The following TMEM232 variants were observed in gnomAD, a reference collection of about 807,000 sequenced individuals.
TMEM232 encodes the protein transmembrane protein 232.
Under a neutral mutation model 78.8 loss-of-function variants are expected in TMEM232, and 80 were observed. That is an observed-to-expected ratio of 1.01 (90% CI 0.85 to 1.22). The LOEUF (loss-of-function observed/expected upper bound fraction) is 1.22, where lower values mean the gene tolerates loss of function less well. Ranked by LOEUF, TMEM232 falls within the 50% of genes most tolerant of loss-of-function variation. The pLI, the probability that TMEM232 is intolerant of heterozygous loss-of-function variation, is 0.00. For missense variants in TMEM232, 881 were observed against 742.2 expected (o/e 1.19, Z -2.17); for synonymous variants, 297 against 254.3 (o/e 1.17, Z -1.60).
chr5:110,557,264 G>A (rs1775209192), intron 11 of TMEM232, among the ~76,000 whole-genome samples: 2 of 152,034 alleles, frequency 1.3e-5, no homozygotes, highest in African/African-American at 2.4e-5. Context: ...TCCTCTTTCA[G>A]CTCATATATG....
chr5:110,691,021 T>C (rs772283536), intron 1 of TMEM232, among the ~76,000 whole-genome samples: 1 of 151,742 alleles, frequency 6.6e-6, no homozygotes, highest in African/African-American at 2.4e-5. Flanking sequence ...ATACCTAAGT[T>C]AGATGACAGG....
chr5:110,457,390 G>T (rs945679744), intron 12 of TMEM232, among the ~76,000 whole-genome samples: 4 of 152,144 alleles, frequency 2.6e-5, no homozygotes, highest in African/African-American at 9.6e-5. Context: ...CTGAAAACTA[G>T]AACTCTCTTA....
At chr5:110,433,329 T>C (rs549339895) in intron 12 of TMEM232, among the ~76,000 whole-genome samples, 271 of 151,856 alleles carry the variant, frequency 1.8e-3, no homozygotes, top group African/African-American at 6.1e-3. Context: ...AGAAGAACTC[T>C]CAAAGCCATA....
intron 2 of TMEM232, among the ~76,000 whole-genome samples, chr5:110,404,977 A>C (rs1580563474): frequency 6.6e-6 from 1 of 152,240 alleles, no homozygotes; most frequent in African/African-American, 2.4e-5. Flanking sequence ...TCAGCCAATA[A>C]GTTTCTCTGT....
At chr5:110,667,455 T>A in intron 1 of TMEM232, 91 bp from the exon 2 acceptor site, 2 of 1,001,318 alleles carry the variant, frequency 2.0e-6, no homozygotes, top group Admixed American at 3.6e-5. Context: ...TGGAAAAGAA[T>A]AGCAAGAACT....
At chr5:110,533,384 C>A (rs1201238713) in intron 11 of TMEM232, among the ~76,000 whole-genome samples, 1 of 152,166 alleles carries the variant, frequency 6.6e-6, no homozygotes, top group African/African-American at 2.4e-5. Context: ...GACATAGTTA[C>A]TGCAGTCAGA....
At chr5:110,494,573 C>T (rs1351455964) in intron 12 of TMEM232, among the ~76,000 whole-genome samples, 4 of 152,006 alleles carry the variant, frequency 2.6e-5, no homozygotes, top group African/African-American at 9.7e-5. Flanking sequence ...ATGCATATAT[C>T]CTGTGACCCA....
intron 1 of TMEM232, among the ~76,000 whole-genome samples, chr5:110,711,869 G>A (rs1796517398): frequency 1.3e-5 from 2 of 152,092 alleles, no homozygotes; most frequent in Non-Finnish European, 2.9e-5. Context: ...CACTTTGGGA[G>A]GCCGAGGTGG....
At chr5:110,395,787 C>T (rs1399570337) in intron 3 of TMEM232, among the ~76,000 whole-genome samples, 1 of 152,130 alleles carries the variant, frequency 6.6e-6, no homozygotes, top group Admixed American at 6.6e-5. Flanking sequence ...GCCAATTATA[C>T]GTACATGGGA....
chr5:110,602,704 A>C (rs975815296), intron 10 of TMEM232, among the ~76,000 whole-genome samples: 1 of 152,200 alleles, frequency 6.6e-6, no homozygotes, highest in Non-Finnish European at 1.5e-5. Context: ...GGGAGTGTAA[A>C]TTAGTTTAAC....
chr5:110,522,989 T>A (rs1238012550), intron 12 of TMEM232, among the ~76,000 whole-genome samples: 1 of 152,202 alleles, frequency 6.6e-6, no homozygotes, highest in Non-Finnish European at 1.5e-5. Flanking sequence ...TTGGCTTTAA[T>A]TGTTCAGATG....
chr5:110,427,575 G>A (rs1212071150), intron 12 of TMEM232, among the ~76,000 whole-genome samples: 1 of 151,928 alleles, frequency 6.6e-6, no homozygotes, highest in Non-Finnish European at 1.5e-5. Context: ...CACAAACTAG[G>A]AGGCTTAGAT....
At chr5:110,665,891 CAAA>C (rs775392111) in intron 2 of TMEM232, among the ~76,000 whole-genome samples, 4,085 of 63,680 alleles carry the variant, frequency 0.064, 150 homozygotes, top group African/African-American at 0.18. Context: ...CCCATCTCCA[CAAA>C]AAAAAAAAAA....
Position 110,420,420 on chromosome 5 carries a change from TAAAC to T in TMEM232, c.*156_*159del, listed in dbSNP as rs940580903. On this transcript the variant is annotated 3_prime_UTR_variant, in exon 14 of 14. Transcript: ENST00000455884. ...TAATTTAGAACTAAGAAATAACTAT[TAAAC>T]AAACAGCTTGTATCAGGAAAACAAA... 1.2e-4 allele frequency: 60 copies of T among 515,542 alleles called. No individual in the cohort carries two copies. The Middle Eastern group carries it at 1.5e-3, about 13-fold the overall frequency. The allele number at this position is 515,542 out of a possible 1,614,324, so 31.9% of individuals were successfully genotyped here. A position where few individuals can be genotyped will look rare whatever the true frequency, so the allele number is the denominator to read the frequency against.
chr5:110,456,866 TA>T (rs1226306953), intron 12 of TMEM232, among the ~76,000 whole-genome samples: 1 of 152,052 alleles, frequency 6.6e-6, no homozygotes, highest in Non-Finnish European at 1.5e-5. Flanking sequence ...TCCATGAGAT[TA>T]AAAAAGTAAC....
At chr5:110,389,754 T>C (rs755671859) in intron 4 of TMEM232, among the ~76,000 whole-genome samples, 1 of 152,208 alleles carries the variant, frequency 6.6e-6, no homozygotes, top group East Asian at 1.9e-4. Context: ...AAGATTACCA[T>C]GTTTCCACTG....
chr5:110,482,796 T>C (rs1213473628), intron 12 of TMEM232, among the ~76,000 whole-genome samples: 3 of 151,718 alleles, frequency 2.0e-5, no homozygotes, highest in African/African-American at 7.3e-5. Context: ...GGATTATATA[T>C]TTAAAGTGCT....
At chr5:110,464,102 T>A (rs1381359881) in intron 12 of TMEM232, among the ~76,000 whole-genome samples, 1 of 152,208 alleles carries the variant, frequency 6.6e-6, no homozygotes, top group Admixed American at 6.5e-5. Context: ...TTACTTGAAC[T>A]TCTTTCATAG....
chr5:110,678,590 G>T (rs777391095), intron 1 of TMEM232, among the ~76,000 whole-genome samples: 3 of 152,042 alleles, frequency 2.0e-5, no homozygotes, highest in Non-Finnish European at 4.4e-5. Context: ...CTATGGGTTT[G>T]GACAAATGTA....
Sources: gnomAD v4.1 joint callset for allele counts (sites outside exome capture counted in the v4.1 genomes callset) on GRCh38, gnomAD v4.1.1 for gene constraint, MANE v1.5 for transcripts, NCBI Gene and HGNC (gene_info 2026-07-23, HGNC 2026-07-21) for gene names.